Variants in JPH2 observed in about 807,000 individuals in gnomAD.
JPH2 encodes junctophilin 2, also known as junctophilin-2.
JPH2 carries 38 observed loss-of-function variants against 55.9 expected under a neutral mutation model. That is an observed-to-expected ratio of 0.68 (90% confidence interval 0.52 to 0.89). The LOEUF is 0.89. JPH2 is among the 40% of genes least tolerant of loss of function. JPH2 has a pLI of 0.00. For synonymous variants in JPH2, 480 were observed against 472.4 expected (o/e 1.02, Z -0.21); for missense variants, 964 against 1,037.6 (o/e 0.93, Z 0.97).
intron 5 of JPH2, among the ~76,000 whole-genome samples, chr20:44,113,731 T>C (rs963177035): frequency 1.9e-4 from 29 of 152,332 alleles, no homozygotes; most frequent in Non-Finnish European, 3.2e-4. Context: ...ACACATGCTG[T>C]TCCCTTTGCT....
chr20:44,119,830 C>T (rs527394221), intron 2 of JPH2, among the ~76,000 whole-genome samples: 3 of 146,996 alleles, frequency 2.0e-5, no homozygotes, highest in East Asian at 2.0e-4. Flanking sequence ...GCCGAGATTG[C>T]GCCAGTGCAT....
At chr20:44,147,153 C>T (rs2072498848) in intron 2 of JPH2, among the ~76,000 whole-genome samples, 1 of 152,146 alleles carries the variant, frequency 6.6e-6, no homozygotes, top group Non-Finnish European at 1.5e-5. Context: ...CAGTAAATGT[C>T]AGGAGTCAGT....
Position 44,160,552 on chromosome 20 carries a change from CTA to C in JPH2, c.380-147_380-146del, listed in dbSNP as rs542598055. 53 of 810,558 alleles carry C rather than the reference CTA, an allele frequency of 6.5e-5. No individual in the cohort carries two copies. The South Asian group carries it at 7.2e-4, about 11-fold the overall frequency. The allele number at this position is 810,558 out of a possible 1,614,324, so 50.2% of individuals were successfully genotyped here. On this transcript the variant is annotated intron_variant, in intron 1 of 5. Coordinates refer to ENST00000372980, the MANE Select transcript of JPH2 (RefSeq NM_020433.5). The surrounding 1 kb of genome is among the most constrained non-coding windows in gnomAD (Gnocchi z 4.9). ...CGTCTGAGGGTCAGGGTGCACAGTG[CTA>C]TGAGTGTTTGAGTCTACTCGAGTGT...
chr20:44,183,410 T>C (rs756678913), intron 1 of JPH2, among the ~76,000 whole-genome samples: 22 of 152,218 alleles, frequency 1.4e-4, no homozygotes, highest in African/African-American at 4.3e-4. Context: ...GTAGCAGCCA[T>C]AGGCACCTGC....
chr20:44,166,872 C>G (rs1439052956), intron 1 of JPH2, among the ~76,000 whole-genome samples: 2 of 152,174 alleles, frequency 1.3e-5, no homozygotes, highest in African/African-American at 4.8e-5. Flanking sequence ...CTTTGTAAAC[C>G]CTGCAGGGCT....
At chr20:44,131,656 A>C (rs769533683) in intron 2 of JPH2, among the ~76,000 whole-genome samples, 9 of 152,184 alleles carry the variant, frequency 5.9e-5, no homozygotes, top group Admixed American at 3.9e-4. Context: ...TACTTTTATA[A>C]TTTATTCACT....
intron 1 of JPH2, among the ~76,000 whole-genome samples, chr20:44,173,319 A>T (rs888827174): frequency 6.6e-6 from 1 of 152,124 alleles, no homozygotes. Flanking sequence ...TTCTACCCAG[A>T]CCTGTGACTC....
At chr20:44,176,079 C>G (rs575316244) in intron 1 of JPH2, among the ~76,000 whole-genome samples, 1 of 152,284 alleles carries the variant, frequency 6.6e-6, no homozygotes, top group Non-Finnish European at 1.5e-5. Context: ...CCATCTTTAA[C>G]TCCTCTTTCT....
At chr20:44,172,587 G>A (rs2072706472) in intron 1 of JPH2, among the ~76,000 whole-genome samples, 1 of 152,116 alleles carries the variant, frequency 6.6e-6, no homozygotes, top group Non-Finnish European at 1.5e-5. Context: ...CAACCTCCTG[G>A]GCTAAAGTGA....
At chr20:44,155,397 C>T (rs922349028) in intron 2 of JPH2, among the ~76,000 whole-genome samples, 1 of 152,204 alleles carries the variant, frequency 6.6e-6, no homozygotes, top group Non-Finnish European at 1.5e-5. Flanking sequence ...TCCGAGCTTA[C>T]ACTTGTCATA....
chr20:44,173,063 A>G (rs2072709779), intron 1 of JPH2, among the ~76,000 whole-genome samples: 2 of 152,256 alleles, frequency 1.3e-5, no homozygotes, highest in South Asian at 4.1e-4. Flanking sequence ...CTGGACATAG[A>G]CCAAACTAAC....
At chr20:44,134,413 A>AATAAAATATTTATTATAAATATAT (rs2072373336) in intron 2 of JPH2, among the ~76,000 whole-genome samples, 1 of 14,698 alleles carries the variant, frequency 6.8e-5, no homozygotes, top group Non-Finnish European at 1.0e-4. Flanking sequence ...AATATATATA[A>AATAAAATATTTATTATAAATATAT]ATAAATATAT....
chr20:44,159,578 G>C lies in JPH2; in HGVS notation c.1169+40C>G. On this transcript the variant is annotated intron_variant, in intron 2 of 5. Transcript: ENST00000372980. The surrounding 1 kb of genome is among the most constrained non-coding windows in gnomAD (Gnocchi z 5.7). Reference sequence around the variant, plus strand: ...GCCCTGCCCCAGGACCCCCTTCTCCGAGGGGAGGCGACCCCTTCCCACCCC... The same window carrying C: ...GCCCTGCCCCAGGACCCCCTTCTCCCAGGGGAGGCGACCCCTTCCCACCCC... The C allele has an allele frequency of 6.4e-7, 1 of 1,571,152 alleles. No homozygotes were observed. Among genetic ancestry groups the C allele is most frequent in the Non-Finnish European group, 8.6e-7 (1 of 1,164,124 alleles).
At chr20:44,123,873 A>AC (rs1304006457) in intron 2 of JPH2, among the ~76,000 whole-genome samples, 1 of 151,826 alleles carries the variant, frequency 6.6e-6, no homozygotes, top group Non-Finnish European at 1.5e-5. Context: ...AGACTGCTCA[A>AC]CCCCCTAGGA....
At chr20:44,115,611 C>T (rs1210269742) in intron 4 of JPH2, 54 bp downstream of exon 4, 7 of 1,610,474 alleles carry the variant, frequency 4.3e-6, no homozygotes, top group African/African-American at 1.3e-5. Flanking sequence ...CTCCCTCAAG[C>T]CCTGCTACCT....
At chr20:44,184,548 G>A (rs963494276) in intron 1 of JPH2, among the ~76,000 whole-genome samples, 6 of 152,116 alleles carry the variant, frequency 3.9e-5, no homozygotes, top group Non-Finnish European at 7.4e-5. Flanking sequence ...CCCGTCCACC[G>A]TCCACATTTT....
At chr20:44,148,419 G>A (rs957746661) in intron 2 of JPH2, among the ~76,000 whole-genome samples, 5 of 152,110 alleles carry the variant, frequency 3.3e-5, no homozygotes, top group African/African-American at 1.2e-4. Flanking sequence ...CCGTTCCAGT[G>A]CTCCTTCTGC....
At position 44,114,609 on chromosome 20, in the gene JPH2, T is replaced by C. The variant is rs56170305; in HGVS notation, c.*14+173A>G. 0.33 allele frequency among the ~76,000 whole-genome samples: 46,843 copies of C among 143,944 alleles called. 7,647 individuals carry two copies. Among genetic ancestry groups the C allele is most frequent in the African/African-American group, 0.41 (15,984 of 38,752 alleles). 94.4% of individuals were successfully genotyped at this position (143,944 alleles called of 152,430 possible). A position where few individuals can be genotyped will look rare whatever the true frequency, so the allele number is the denominator to read the frequency against. On this transcript the variant is annotated intron_variant, in intron 5 of 5. Transcript: ENST00000372980. ...GTGTGTGTGTGTGTGTGTGTGTGTG[T>C]GCGCTGGTATCAAATCACACTCTAG...
At chr20:44,136,405 C>T (rs892331672) in intron 2 of JPH2, among the ~76,000 whole-genome samples, 3 of 151,906 alleles carry the variant, frequency 2.0e-5, no homozygotes, top group African/African-American at 7.3e-5. Flanking sequence ...GGGTGCAACC[C>T]AGCAAGAGGA....
Sources: allele counts gnomAD v4.1 joint callset (sites outside exome capture counted in the v4.1 genomes callset), GRCh38; gene constraint gnomAD v4.1.1; non-coding constraint Gnocchi (gnomAD v3.1); transcripts MANE v1.5; gene names NCBI Gene and HGNC (gene_info 2026-07-23, HGNC 2026-07-21).